Variants in ARHGAP24 observed in about 807,000 individuals in gnomAD.
ARHGAP24 encodes Rho GTPase activating protein 24.
A neutral mutation model predicts 76.4 loss-of-function variants in ARHGAP24; 50 were observed. That is an observed-to-expected ratio of 0.65 (90% CI 0.52 to 0.83). The LOEUF (loss-of-function observed/expected upper bound fraction) is 0.83. Among genes scored for constraint, ARHGAP24 ranks in the 40% least tolerant of loss-of-function variants. ARHGAP24 has a pLI of 0.00. For missense variants in ARHGAP24, 930 were observed against 914.2 expected, an observed-to-expected ratio of 1.02 and a Z score of -0.22; for synonymous variants, 345 against 323.3, an observed-to-expected ratio of 1.07 and a Z score of -0.72.
At chr4:85,759,112 G>A (rs1726637462) in intron 3 of ARHGAP24, among the ~76,000 whole-genome samples, 1 of 152,096 alleles carries the variant, frequency 6.6e-6, no homozygotes, top group Admixed American at 6.5e-5. Context: ...GTAGAATCTT[G>A]CTTTTATCCC....
intron 1 of ARHGAP24, among the ~76,000 whole-genome samples, chr4:85,492,205 C>A (rs992004210): frequency 1.3e-5 from 2 of 151,882 alleles, no homozygotes; most frequent in African/African-American, 4.8e-5. Context: ...TCTTTTTCTT[C>A]CTCTATTCCT....
rs533731182 is a variant in ARHGAP24, at chr4:85,520,907, T to C, written c.-21+45348T>C. On this transcript the variant is annotated intron_variant, in intron 1 of 9. Coordinates refer to ENST00000395184, the MANE Select transcript of ARHGAP24 (RefSeq NM_001025616.3). ...CTGAGGTAGATGAGAATCACTCAAA[T>C]GGAGAGTACATTGGAGGAATAAGAA... Among the ~76,000 whole-genome samples the C allele has an allele frequency of 2.6e-5, 4 of 152,276 alleles. No individual in the cohort carries two copies. In the South Asian group the frequency reaches 6.2e-4, roughly 24 times the overall value.
intron 2 of ARHGAP24, among the ~76,000 whole-genome samples, chr4:85,720,702 G>A (rs1185607780): frequency 6.6e-6 from 1 of 152,126 alleles, no homozygotes; most frequent in Non-Finnish European, 1.5e-5. Context: ...GAAATTATTG[G>A]ATAAATCTTT....
At chr4:85,884,587 C>T (rs557366049) in intron 3 of ARHGAP24, among the ~76,000 whole-genome samples, 3 of 152,272 alleles carry the variant, frequency 2.0e-5, no homozygotes, top group African/African-American at 7.2e-5. Context: ...TCTGGGTTAG[C>T]TTTCCTCTGG....
intron 3 of ARHGAP24, among the ~76,000 whole-genome samples, chr4:85,811,814 T>C (rs1729024411): frequency 6.6e-6 from 1 of 152,252 alleles, no homozygotes; most frequent in African/African-American, 2.4e-5. Context: ...ATTGCTCTTC[T>C]GTGCTTAATA....
intron 3 of ARHGAP24, among the ~76,000 whole-genome samples, chr4:85,762,579 G>T (rs1347141675): frequency 3.3e-5 from 5 of 152,138 alleles, no homozygotes; most frequent in African/African-American, 1.2e-4. Flanking sequence ...ACAAATGTGT[G>T]AGAAAGATAG....
At chr4:85,654,360 G>T (rs139463170) in intron 2 of ARHGAP24, among the ~76,000 whole-genome samples, 1 of 152,224 alleles carries the variant, frequency 6.6e-6, no homozygotes, top group East Asian at 1.9e-4. Flanking sequence ...CCTCCTTAAA[G>T]GTTCTATCTC....
chr4:85,790,421 G>T (rs897526359), intron 3 of ARHGAP24, among the ~76,000 whole-genome samples: 1 of 152,062 alleles, frequency 6.6e-6, no homozygotes, highest in African/African-American at 2.4e-5. Flanking sequence ...TCATTTGTCT[G>T]TCTTTAGTTT....
intron 2 of ARHGAP24, among the ~76,000 whole-genome samples, chr4:85,617,472 C>T (rs1720579188): frequency 6.6e-6 from 1 of 151,932 alleles, no homozygotes; most frequent in African/African-American, 2.4e-5. Flanking sequence ...AAAGCAGCTA[C>T]ACACTATATA....
At chr4:85,994,442 ATTATCATAG>A in intron 8 of ARHGAP24, 132 bp from the exon 9 acceptor site, 1 of 863,476 alleles carries the variant, frequency 1.2e-6, no homozygotes, top group Non-Finnish European at 1.9e-6. Flanking sequence ...TTCTATTGCT[ATTATCATAG>A]TTAAGAATAT....
At chr4:85,812,018 A>G (rs1032715887) in intron 3 of ARHGAP24, among the ~76,000 whole-genome samples, 1 of 152,122 alleles carries the variant, frequency 6.6e-6, no homozygotes, top group African/African-American at 2.4e-5. Context: ...TCTACTAAAA[A>G]TACAAAAATT....
chr4:85,664,240 G>A (rs1722518899), intron 2 of ARHGAP24, among the ~76,000 whole-genome samples: 1 of 151,206 alleles, frequency 6.6e-6, no homozygotes, highest in African/African-American at 2.5e-5. Context: ...TTAGTCTTGG[G>A]AGAGTGTATG....
At chr4:85,849,404 T>A (rs1456435446) in intron 3 of ARHGAP24, among the ~76,000 whole-genome samples, 1 of 152,186 alleles carries the variant, frequency 6.6e-6, no homozygotes, top group East Asian at 1.9e-4. Flanking sequence ...CAGGGACAAT[T>A]TGACTTCCTC....
intron 2 of ARHGAP24, among the ~76,000 whole-genome samples, chr4:85,664,679 T>C (rs1332832803): frequency 3.3e-5 from 5 of 151,078 alleles, no homozygotes; most frequent in Non-Finnish European, 7.4e-5. Flanking sequence ...TACACACTGC[T>C]TTGAATGCGT....
intron 5 of ARHGAP24, 82 bp downstream of exon 5, chr4:85,942,355 A>C: frequency 6.9e-7 from 1 of 1,445,182 alleles, no homozygotes; most frequent in Non-Finnish European, 9.7e-7. Flanking sequence ...AGGAGGCATA[A>C]CCTTGATTGA....
intron 3 of ARHGAP24, among the ~76,000 whole-genome samples, chr4:85,841,899 C>G (rs2110149912): frequency 1.3e-5 from 2 of 152,226 alleles, no homozygotes; most frequent in South Asian, 4.1e-4. Context: ...AGTTTATGTA[C>G]CAGCCACTGG....
At chr4:85,574,789 C>T (rs995423783) in intron 2 of ARHGAP24, among the ~76,000 whole-genome samples, 1 of 152,142 alleles carries the variant, frequency 6.6e-6, no homozygotes, top group Non-Finnish European at 1.5e-5. Context: ...GCTATGAGAA[C>T]ACACTATATC....
intron 3 of ARHGAP24, among the ~76,000 whole-genome samples, chr4:85,860,475 C>T (rs1731826902): frequency 6.6e-6 from 1 of 152,046 alleles, no homozygotes; most frequent in Non-Finnish European, 1.5e-5. Context: ...GGCAGAATCA[C>T]CAGCCTGGTA....
intron 3 of ARHGAP24, among the ~76,000 whole-genome samples, chr4:85,876,329 G>A (rs1305387353): frequency 6.6e-6 from 1 of 152,112 alleles, no homozygotes. Flanking sequence ...TGAATTGTCA[G>A]CATTGTCTTT....
Sources: gnomAD v4.1 joint callset for allele counts (sites outside exome capture counted in the v4.1 genomes callset) on GRCh38, gnomAD v4.1.1 for gene constraint, MANE v1.5 for transcripts, NCBI Gene and HGNC (gene_info 2026-07-23, HGNC 2026-07-21) for gene names.